Variants in ANKRD9 observed in about 807,000 individuals in gnomAD.
ANKRD9 encodes ankyrin repeat domain 9, also known as ankyrin repeat domain-containing protein 9.
Under a neutral mutation model 19.2 loss-of-function variants are expected in ANKRD9, and 13 were observed. The ratio of observed to expected loss-of-function variants is 0.68; its 90% CI spans 0.44 to 1.08. The LOEUF (loss-of-function observed/expected upper bound fraction) is 1.08. ANKRD9 is among the 50% of genes least tolerant of loss of function. The pLI, the probability that ANKRD9 is intolerant of heterozygous loss-of-function variation, is 0.00. For synonymous variants in ANKRD9, 278 were observed against 256.8 expected (o/e 1.08, Z -0.79); for missense variants, 518 against 499.9 (o/e 1.04, Z -0.34).
At position 102,507,698 on chromosome 14, in the gene ANKRD9, G is replaced by T; in HGVS notation, c.192C>A (p.Arg64=). Residue 64 remains arginine, a synonymous_variant, in exon 4 of 4, where the codon CGC becomes CGA. Transcript: ENST00000286918. This position sits in a 1 kb window ranked among gnomAD's most constrained non-coding sequence, Gnocchi z 9.2. ...AGGGCGAGTAGGCGGCGGCGCGCCC[G>T]CGCTCGTCCCAGTGGAAGGCCTCGC... ...RASEAFHWDE[R]GRAAAYSPSE... 1 of 1,518,960 alleles carries T rather than the reference G, an allele frequency of 6.6e-7. No individual in the cohort carries two copies. 94.1% of individuals were successfully genotyped at this position (1,518,960 alleles called of 1,614,324 possible). A position where few individuals can be genotyped will look rare whatever the true frequency, so the allele number is the denominator to read the frequency against.
Position 102,508,082 on chromosome 14 carries a change from G to T in ANKRD9, c.-53-140C>A. 1 of 418,546 alleles carries T rather than the reference G, an allele frequency of 2.4e-6. No homozygotes were observed. Among genetic ancestry groups the T allele is most frequent in the Non-Finnish European group, 3.4e-6 (1 of 296,866 alleles). 25.9% of individuals were successfully genotyped at this position (418,546 alleles called of 1,614,324 possible). ...CTCCAGCCTCGGCCAGGCCCTTCCA[G>T]TCACCCTACAGCTCCATCTCTCCGA... On this transcript the variant is annotated intron_variant, in intron 3 of 3. Coordinates refer to ENST00000286918, the MANE Select transcript of ANKRD9 (RefSeq NM_152326.4). The surrounding 1 kb of genome is among the most constrained non-coding windows in gnomAD (Gnocchi z 6.2).
Position 102,506,706 on chromosome 14 carries a change from G to A in ANKRD9, c.*230C>T. The A allele has an allele frequency of 2.1e-6, 1 of 483,930 alleles. No individual in the cohort carries two copies. Among genetic ancestry groups the A allele is most frequent in the Non-Finnish European group, 3.3e-6 (1 of 303,862 alleles). The allele number at this position is 483,930 out of a possible 1,614,324, so 30.0% of individuals were successfully genotyped here. A position where few individuals can be genotyped will look rare whatever the true frequency, so the allele number is the denominator to read the frequency against. Reference sequence around the variant, plus strand: ...CCGAGGCTCTAGATCAAGGTGGGAGGTTAGTCCTCACTCCCTTCAGGGGCT... The same window carrying A: ...CCGAGGCTCTAGATCAAGGTGGGAGATTAGTCCTCACTCCCTTCAGGGGCT... On this transcript the variant is annotated 3_prime_UTR_variant, in exon 4 of 4. Coordinates refer to ENST00000286918, the MANE Select transcript of ANKRD9 (RefSeq NM_152326.4).
In ANKRD9 at chr14:102,502,088, T is replaced by C. The variant is rs1891451598; in HGVS notation, c.*4848A>G. 1 of 152,228 alleles carries C rather than the reference T, an allele frequency of 6.6e-6. No homozygotes were observed. The highest frequency in any genetic ancestry group is 2.4e-5 in the African/African-American group (1 of 41,452). The allele number at this position is 152,228 out of a possible 1,614,324, so 9.4% of individuals were successfully genotyped here. On this transcript the variant is annotated 3_prime_UTR_variant, in exon 4 of 4. Coordinates refer to ENST00000286918, the MANE Select transcript of ANKRD9 (RefSeq NM_152326.4). ...AACAGCCATGTTAACGTGAGCAAAT[T>C]CCTCTCATGAAATAGCCTGCAGCTA...
chr14:102,508,704 GCA>G lies in ANKRD9; in HGVS notation c.-194_-193del, dbSNP rs766565455. 2 of 152,216 alleles carry G rather than the reference GCA, an allele frequency of 1.3e-5. No individual in the cohort carries two copies. The highest frequency in any genetic ancestry group is 2.9e-5 in the Non-Finnish European group (2 of 68,106). The allele number at this position is 152,216 out of a possible 1,614,324, so 9.4% of individuals were successfully genotyped here. A position where few individuals can be genotyped will look rare whatever the true frequency, so the allele number is the denominator to read the frequency against. ...CCTGGAGACCGGTGTGCACCGCACT[GCA>G]CAGTCTGCCATCCTCTTCAGGTCCC... On this transcript the variant is annotated 5_prime_UTR_variant, in exon 2 of 4. The change abolishes the stop of an existing upstream ORF in the 5' untranslated region. Coordinates refer to ENST00000286918, the MANE Select transcript of ANKRD9 (RefSeq NM_152326.4). The surrounding 1 kb of genome is among the most constrained non-coding windows in gnomAD (Gnocchi z 6.2).
chr14:102,507,653 C>G lies in ANKRD9; in HGVS notation c.237G>C (p.Ala79=), dbSNP rs1420498037. 6.5e-7 allele frequency: 1 copy of G among 1,546,380 alleles called. No individual in the cohort carries two copies. The highest frequency in any genetic ancestry group is 1.4e-5 in the African/African-American group (1 of 71,126). ...AYSPSEALLY[A]LVHDHQAYAH... Reference sequence around the variant, plus strand: ...CGTACGCTTGGTGGTCGTGCACGAGCGCGTAGAGCAGCGCCTCAGAGGGCG... The same window carrying G: ...CGTACGCTTGGTGGTCGTGCACGAGGGCGTAGAGCAGCGCCTCAGAGGGCG... Residue 79 remains alanine (A), a synonymous_variant, in exon 4 of 4, where the codon GCG becomes GCC. Coordinates refer to ENST00000286918, the MANE Select transcript of ANKRD9 (RefSeq NM_152326.4). This position sits in a 1 kb window ranked among gnomAD's most constrained non-coding sequence, Gnocchi z 9.2.
At position 102,507,873 on chromosome 14, in the gene ANKRD9, C is replaced by T; in HGVS notation, c.17G>A (p.Arg6Gln). The part of the protein sequence containing the change: MPWDA[R>Q]RPGGGADGGP... ...GCCGTCCGCGCCACCCCCAGGCCGC[C>T]GCGCGTCCCACGGCATGCTGGCGGC... The change falls in exon 4 of 4, where the codon CGG becomes CAG. Residue 6 changes from arginine to glutamine, a missense_variant. By Grantham distance (43) the Arg-to-Gln change is conservative. Transcript: ENST00000286918. This position sits in a 1 kb window ranked among gnomAD's most constrained non-coding sequence, Gnocchi z 9.2. 1.7e-6 allele frequency: 2 copies of T among 1,143,442 alleles called. No individual in the cohort carries two copies. Among genetic ancestry groups the T allele is most frequent in the East Asian group, 4.8e-5 (1 of 20,896 alleles). The allele number at this position is 1,143,442 out of a possible 1,614,324, so 70.8% of individuals were successfully genotyped here. A position where few individuals can be genotyped will look rare whatever the true frequency, so the allele number is the denominator to read the frequency against.
In ANKRD9 at chr14:102,507,512, C is replaced by A; in HGVS notation, c.378G>T (p.Val126=). ...TGCGCAGGATGCGGCGCAGAATGCC[C>A]ACGCGGTTGTAGCGCACTGCCAGCG... ...HVALAVRYNR[V]GILRRILRTL... The change falls in exon 4 of 4, where the codon GTG becomes GTT. Residue 126 remains valine (V), a synonymous_variant. Transcript: ENST00000286918. The surrounding 1 kb of genome is among the most constrained non-coding windows in gnomAD (Gnocchi z 9.2). The A allele has an allele frequency of 7.3e-7, 1 of 1,365,824 alleles. No individual in the cohort carries two copies. The highest frequency in any genetic ancestry group is 1.5e-5 in the South Asian group (1 of 66,630). The allele number at this position is 1,365,824 out of a possible 1,614,324, so 84.6% of individuals were successfully genotyped here. A position where few individuals can be genotyped will look rare whatever the true frequency, so the allele number is the denominator to read the frequency against.
chr14:102,506,054 G>A lies in ANKRD9; in HGVS notation c.*882C>T, dbSNP rs1188935334. On this transcript the variant is annotated 3_prime_UTR_variant, in exon 4 of 4. Transcript: ENST00000286918. ...TCTCCATCTCCAGAACCTTCCTGAA[G>A]AAAACAGCTCTCCAGGCTGGGGCAA... The A allele has an allele frequency of 1.3e-5, 2 of 152,200 alleles. No homozygotes were observed. The highest frequency in any genetic ancestry group is 3.9e-4 in the East Asian group (2 of 5,186). 9.4% of individuals were successfully genotyped at this position (152,200 alleles called of 1,614,324 possible). A position where few individuals can be genotyped will look rare whatever the true frequency, so the allele number is the denominator to read the frequency against.
At position 102,509,766 on chromosome 14, in the gene ANKRD9, C is replaced by G. The variant is rs990048949; in HGVS notation, c.-572G>C. On this transcript the variant is annotated 5_prime_UTR_variant, in exon 1 of 4. Transcript: ENST00000286918. ...GGCGGCGGGCGGCGCAGTGCGGCCC[C>G]GGCCAGGCAGGACAGCGGGACCGTC... 7.5e-5 allele frequency: 11 copies of G among 146,588 alleles called. No homozygotes were observed. The highest frequency in any genetic ancestry group is 1.1e-4 in the Non-Finnish European group (7 of 66,008). 9.1% of individuals were successfully genotyped at this position (146,588 alleles called of 1,614,324 possible).
chr14:102,509,367 T>G (rs1255420647), intron 1 of ANKRD9, 162 bp downstream of exon 1: 1 of 151,688 alleles, frequency 6.6e-6, no homozygotes, highest in Non-Finnish European at 1.5e-5. Flanking sequence ...ACCCGTCCCC[T>G]CCCGGCCTGC....
In ANKRD9 at chr14:102,503,144, C is replaced by A. The variant is rs963854271; in HGVS notation, c.*3792G>T. 6.6e-6 allele frequency: 1 copy of A among 151,286 alleles called. No individual in the cohort carries two copies. The highest frequency in any genetic ancestry group is 2.1e-4 in the South Asian group (1 of 4,760). The allele number at this position is 151,286 out of a possible 1,614,324, so 9.4% of individuals were successfully genotyped here. On this transcript the variant is annotated 3_prime_UTR_variant, in exon 4 of 4. Coordinates refer to ENST00000286918, the MANE Select transcript of ANKRD9 (RefSeq NM_152326.4). ...AGGAGAATCGCTTGAACCCAGGAGG[C>A]GGAAGTTACAGTGAGCTGAGACCAC...
Position 102,503,022 on chromosome 14 carries a change from G to A in ANKRD9, c.*3914C>T, listed in dbSNP as rs1891485687. The A allele has an allele frequency of 6.6e-6, 1 of 152,014 alleles. No homozygotes were observed. Among genetic ancestry groups the A allele is most frequent in the Admixed American group, 6.6e-5 (1 of 15,260 alleles). The allele number at this position is 152,014 out of a possible 1,614,324, so 9.4% of individuals were successfully genotyped here. A position where few individuals can be genotyped will look rare whatever the true frequency, so the allele number is the denominator to read the frequency against. ...AAGGTCAGGAGTTCGAGACCTGCCT[G>A]GCCAACATGCTGAAACCCAGTCTCT... On this transcript the variant is annotated 3_prime_UTR_variant, in exon 4 of 4. Coordinates refer to ENST00000286918, the MANE Select transcript of ANKRD9 (RefSeq NM_152326.4).
chr14:102,504,462 A>G lies in ANKRD9; in HGVS notation c.*2474T>C, dbSNP rs553195939. ...GTCCTGCAAGCTCATGGCCAGGACG[A>G]TAACGATGACAGGGGCAACACCATG... On this transcript the variant is annotated 3_prime_UTR_variant, in exon 4 of 4. Coordinates refer to ENST00000286918, the MANE Select transcript of ANKRD9 (RefSeq NM_152326.4). The G allele has an allele frequency of 6.5e-6, 1 of 154,004 alleles. No homozygotes were observed. The highest frequency in any genetic ancestry group is 1.9e-4 in the East Asian group (1 of 5,194). 9.5% of individuals were successfully genotyped at this position (154,004 alleles called of 1,614,324 possible). A position where few individuals can be genotyped will look rare whatever the true frequency, so the allele number is the denominator to read the frequency against.
rs545545019 is a variant in ANKRD9 at position 102,507,415 on chromosome 14, C to G, written c.475G>C (p.Gly159Arg). The change falls in exon 4 of 4, where the codon GGT becomes CGT. Residue 159 changes from glycine (G) to arginine (R), a missense_variant. By Grantham distance (125) the Gly-to-Arg change is moderately radical. Coordinates refer to ENST00000286918, the MANE Select transcript of ANKRD9 (RefSeq NM_152326.4). The surrounding 1 kb of genome is among the most constrained non-coding windows in gnomAD (Gnocchi z 9.2). ...DRRGCSRVEGGGTSLHVACEL... is the reference protein window; with the variant it reads ...DRRGCSRVEGRGTSLHVACEL... ...CAGGCCACGTGCAGCGACGTGCCAC[C>G]GCCCTCCACGCGGCTGCAGCCACGC... is the stretch of plus-strand genomic sequence containing the variant. The G allele has an allele frequency of 1.1e-5, 15 of 1,366,404 alleles. No individual in the cohort carries two copies. The highest frequency in any genetic ancestry group is 1.6e-5 in the African/African-American group (1 of 63,914). The allele number at this position is 1,366,404 out of a possible 1,614,324, so 84.6% of individuals were successfully genotyped here.
chr14:102,506,697 A>G lies in ANKRD9; in HGVS notation c.*239T>C. On this transcript the variant is annotated 3_prime_UTR_variant, in exon 4 of 4. Transcript: ENST00000286918. The stretch of plus-strand genomic sequence containing the variant: ...CACACCTGTCCGAGGCTCTAGATCA[A>G]GGTGGGAGGTTAGTCCTCACTCCCT... 1 of 452,038 alleles carries G rather than the reference A, an allele frequency of 2.2e-6. No homozygotes were observed. Among genetic ancestry groups the G allele is most frequent in the Non-Finnish European group, 3.6e-6 (1 of 276,522 alleles). The allele number at this position is 452,038 out of a possible 1,614,324, so 28.0% of individuals were successfully genotyped here.
In ANKRD9 at chr14:102,504,775, CAGG is replaced by C. The variant is rs142330682; in HGVS notation, c.*2158_*2160del. ...GTCCCCTCACCCAAATCGATGACAT[CAGG>C]AGCTAATGGCCCAGGCTGCCCTCCT... On this transcript the variant is annotated 3_prime_UTR_variant, in exon 4 of 4. Transcript: ENST00000286918. 6.2e-3 allele frequency: 951 copies of C among 152,668 alleles called. 4 individuals are homozygous for C. The highest frequency in any genetic ancestry group is 8.1e-3 in the Non-Finnish European group (550 of 68,304). The allele number at this position is 152,668 out of a possible 1,614,324, so 9.5% of individuals were successfully genotyped here.
rs1238585187 is a variant in ANKRD9 at position 102,508,619 on chromosome 14, C to G, written c.-129+22G>C. 1.3e-5 allele frequency: 2 copies of G among 152,260 alleles called. No homozygotes were observed. The highest frequency in any genetic ancestry group is 2.9e-5 in the Non-Finnish European group (2 of 68,090). 9.4% of individuals were successfully genotyped at this position (152,260 alleles called of 1,614,324 possible). ...GAGCCTGGGGCGTGGCACCAGCCCT[C>G]TATCCAAACATGTTTGCTTACACGT... On this transcript the variant is annotated intron_variant, in intron 2 of 3. Transcript: ENST00000286918. The surrounding 1 kb of genome is among the most constrained non-coding windows in gnomAD (Gnocchi z 6.2).
chr14:102,507,239 G>A lies in ANKRD9; in HGVS notation c.651C>T (p.Pro217=), dbSNP rs1891626536. Reference sequence around the variant, plus strand: ...GGCGCGGCTCCCCGGGAGCTGAGGCGGGGGCTCCGGCGGCGGAGGGAGTGG... The same window carrying A: ...GGCGCGGCTCCCCGGGAGCTGAGGCAGGGGCTCCGGCGGCGGAGGGAGTGG... ...AGATPSAAGA[P]ASAPGEPRQR... Residue 217 remains proline, a synonymous_variant, in exon 4 of 4, where the codon CCC becomes CCT. Coordinates refer to ENST00000286918, the MANE Select transcript of ANKRD9 (RefSeq NM_152326.4). The surrounding 1 kb of genome is among the most constrained non-coding windows in gnomAD (Gnocchi z 9.2). The A allele has an allele frequency of 1.6e-6, 2 of 1,241,984 alleles. No homozygotes were observed. Among genetic ancestry groups the A allele is most frequent in the South Asian group, 2.6e-5 (1 of 38,594 alleles). 76.9% of individuals were successfully genotyped at this position (1,241,984 alleles called of 1,614,324 possible).
rs952924450 is a variant in ANKRD9, at chr14:102,502,584, G to A, written c.*4352C>T. 18 of 152,336 alleles carry A rather than the reference G, an allele frequency of 1.2e-4. No individual in the cohort carries two copies. Among genetic ancestry groups the A allele is most frequent in the Non-Finnish European group, 1.9e-4 (13 of 68,014 alleles). The allele number at this position is 152,336 out of a possible 1,614,324, so 9.4% of individuals were successfully genotyped here. A position where few individuals can be genotyped will look rare whatever the true frequency, so the allele number is the denominator to read the frequency against. On this transcript the variant is annotated 3_prime_UTR_variant, in exon 4 of 4. Transcript: ENST00000286918. ...ATCATATTTACAAAGTACAATGGGG[G>A]AAATGCTTATACTACATTAAGGTTA... is the stretch of plus-strand genomic sequence containing the variant.
Sources: allele counts gnomAD v4.1 joint callset, GRCh38; gene constraint gnomAD v4.1.1; non-coding constraint Gnocchi (gnomAD v3.1); transcripts MANE v1.5; gene names NCBI Gene and HGNC (gene_info 2026-07-23, HGNC 2026-07-21).